The following LHFPL3 variants were observed in gnomAD, a reference collection of about 807,000 sequenced individuals.
The protein encoded by LHFPL3 is LHFPL tetraspan subfamily member 3 protein.
In LHFPL3, 5 loss-of-function variants were observed where a neutral mutation model predicts 19.3. The observed-to-expected ratio is 0.26, with a 90% confidence interval of 0.14 to 0.54. LHFPL3 has a LOEUF of 0.54. LHFPL3 is among the 20% of genes least tolerant of loss of function. The probability of loss-of-function intolerance (pLI) is 0.94; values close to 1 mark genes in which losing one functional copy is unlikely to be tolerated. For synonymous variants in LHFPL3, 133 were observed against 126.2 expected (o/e 1.05, Z -0.36); for missense variants, 249 against 307.4 (o/e 0.81, Z 1.42).
At chr7:104,376,874 C>T (rs1467392293) in intron 1 of LHFPL3, among the ~76,000 whole-genome samples, 1 of 151,924 alleles carries the variant, frequency 6.6e-6, no homozygotes, top group Non-Finnish European at 1.5e-5. Flanking sequence ...GCTTTTTTTC[C>T]TGGAAAGTTC....
At position 104,352,152 on chromosome 7, in the gene LHFPL3, G is replaced by A. The variant is rs572110063; in HGVS notation, c.445+22928G>A. On this transcript the variant is annotated intron_variant, in intron 1 of 2. Coordinates refer to ENST00000424859, the MANE Select transcript of LHFPL3 (RefSeq NM_199000.3). ...CGCACTCCAGCTTGGACCTCAGAGC[G>A]AGGCCCTGTATAAAAAAAAAAAAAA... is the stretch of plus-strand genomic sequence containing the variant. 3.0e-4 allele frequency among the ~76,000 whole-genome samples: 45 copies of A among 150,474 alleles called. No individual in the cohort carries two copies. In the South Asian group the frequency reaches 8.2e-3, roughly 28 times the overall value.
At chr7:104,648,234 G>T (rs78019832) in intron 1 of LHFPL3, among the ~76,000 whole-genome samples, 13,051 of 152,204 alleles carry the variant, frequency 0.086, 729 homozygotes, top group Middle Eastern at 0.15. Context: ...TTCATGGGCT[G>T]CTGTATTCAT....
At chr7:104,392,149 C>T (rs1259690597) in intron 1 of LHFPL3, among the ~76,000 whole-genome samples, 1 of 152,056 alleles carries the variant, frequency 6.6e-6, no homozygotes, top group Non-Finnish European at 1.5e-5. Flanking sequence ...AATTTGACTT[C>T]CTCTTTTCCT....
intron 1 of LHFPL3, among the ~76,000 whole-genome samples, chr7:104,382,867 C>CA (rs1790856212): frequency 6.6e-6 from 1 of 152,116 alleles, no homozygotes; most frequent in African/African-American, 2.4e-5. Flanking sequence ...CAGGTTACTT[C>CA]ACCTCTTTAT....
chr7:104,372,660 T>C (rs1379181314), intron 1 of LHFPL3, among the ~76,000 whole-genome samples: 11 of 152,150 alleles, frequency 7.2e-5, no homozygotes, highest in Admixed American at 5.9e-4. Flanking sequence ...GGGTCTTCAT[T>C]TGTAAAATAG....
intron 2 of LHFPL3, among the ~76,000 whole-genome samples, chr7:104,848,694 T>C (rs1311875937): frequency 6.6e-6 from 1 of 152,278 alleles, no homozygotes; most frequent in Non-Finnish European, 1.5e-5. Flanking sequence ...GGGCTGCCCC[T>C]GAGCCACAGC....
At chr7:104,692,016 C>G (rs1390932717) in intron 1 of LHFPL3, among the ~76,000 whole-genome samples, 1 of 152,198 alleles carries the variant, frequency 6.6e-6, no homozygotes, top group East Asian at 1.9e-4. Context: ...TCTTACTATA[C>G]TTTAGCAAAG....
At chr7:104,709,883 T>C (rs10808134) in intron 1 of LHFPL3, among the ~76,000 whole-genome samples, 147,763 of 150,752 alleles carry the variant, frequency 0.98, 72,475 homozygotes, top group East Asian at 1. Flanking sequence ...AGACGATGGG[T>C]GGCCAGGCAG....
chr7:104,517,549 C>A (rs999803712), intron 1 of LHFPL3, among the ~76,000 whole-genome samples: 2 of 146,740 alleles, frequency 1.4e-5, no homozygotes, highest in South Asian at 2.1e-4. Flanking sequence ...TCTTGTTGCC[C>A]AGGCTGGAGT....
Position 104,357,745 on chromosome 7 carries a change from G to T in LHFPL3, c.445+28521G>T, listed in dbSNP as rs143967520. 3.6e-3 allele frequency among the ~76,000 whole-genome samples: 537 copies of T among 149,606 alleles called. 3 individuals are homozygous for T. The highest frequency in any genetic ancestry group is 0.012 in the African/African-American group (500 of 40,460). On this transcript the variant is annotated intron_variant, in intron 1 of 2. Coordinates refer to ENST00000424859, the MANE Select transcript of LHFPL3 (RefSeq NM_199000.3). ...GGGTTGAAGCTGCCTCCTGCAGGTG[G>T]AATTTCTCCTCTTCCTCCTCCTCCT...
At chr7:104,456,060 T>C (rs2385169) in intron 1 of LHFPL3, among the ~76,000 whole-genome samples, 119,862 of 152,132 alleles carry the variant, frequency 0.79, 47,544 homozygotes, top group East Asian at 0.88. Flanking sequence ...ACAGTTAGTT[T>C]TCAGTGAGTT....
rs1338905330 is a variant in LHFPL3, at chr7:104,430,394, A to ACATG, written c.445+101170_445+101171insCATG. On this transcript the variant is annotated intron_variant, in intron 1 of 2. Coordinates refer to ENST00000424859, the MANE Select transcript of LHFPL3 (RefSeq NM_199000.3). ...GGTATATATATATACATATATATAT[A>ACATG]TATATATATACATATATATATATAC... Among the ~76,000 whole-genome samples, 37 of 46,008 alleles carry ACATG rather than the reference A, an allele frequency of 8.0e-4. 2 individuals carry two copies. Among genetic ancestry groups the ACATG allele is most frequent in the African/African-American group, 2.1e-3 (11 of 5,292 alleles). The allele number at this position is 46,008 out of a possible 152,430, so 30.2% of individuals were successfully genotyped here. A position where few individuals can be genotyped will look rare whatever the true frequency, so the allele number is the denominator to read the frequency against.
chr7:104,744,791 C>T (rs562245611), intron 2 of LHFPL3, among the ~76,000 whole-genome samples: 11 of 152,266 alleles, frequency 7.2e-5, no homozygotes, highest in East Asian at 3.9e-4. Flanking sequence ...AGTTGGCTTC[C>T]GGTCACTGAC....
chr7:104,362,638 T>C (rs1790407497), intron 1 of LHFPL3, among the ~76,000 whole-genome samples: 1 of 152,182 alleles, frequency 6.6e-6, no homozygotes, highest in South Asian at 2.1e-4. Flanking sequence ...ATAGAGCCAA[T>C]TTATCAAGAG....
intron 1 of LHFPL3, among the ~76,000 whole-genome samples, chr7:104,575,257 A>C (rs765415969): frequency 6.6e-6 from 1 of 152,148 alleles, no homozygotes; most frequent in Non-Finnish European, 1.5e-5. Flanking sequence ...CTGGTTTTCA[A>C]ACTATTGCTG....
intron 1 of LHFPL3, among the ~76,000 whole-genome samples, chr7:104,449,698 C>A (rs529137594): frequency 6.6e-6 from 1 of 152,326 alleles, no homozygotes; most frequent in African/African-American, 2.4e-5. Flanking sequence ...TTGCTTAATA[C>A]ATGTGTGATT....
At chr7:104,874,754 G>C (rs1259602325) in intron 2 of LHFPL3, among the ~76,000 whole-genome samples, 1 of 152,022 alleles carries the variant, frequency 6.6e-6, no homozygotes, top group Admixed American at 6.6e-5. Context: ...TGGGTTTCAA[G>C]AGGCCCTCAG....
At chr7:104,732,776 G>A (rs1258941042) in intron 1 of LHFPL3, among the ~76,000 whole-genome samples, 2 of 152,066 alleles carry the variant, frequency 1.3e-5, no homozygotes, top group Admixed American at 1.3e-4. Flanking sequence ...GCTTTTGAAT[G>A]TGTTTGCTCT....
chr7:104,795,200 T>A (rs904449635), intron 2 of LHFPL3, among the ~76,000 whole-genome samples: 3 of 152,112 alleles, frequency 2.0e-5, no homozygotes, highest in Non-Finnish European at 4.4e-5. Flanking sequence ...GGCACAAACA[T>A]AGAAGTGTAT....
Sources: gnomAD v4.1 joint callset for allele counts (sites outside exome capture counted in the v4.1 genomes callset) on GRCh38, gnomAD v4.1.1 for gene constraint, MANE v1.5 for transcripts, NCBI Gene and HGNC (gene_info 2026-07-23, HGNC 2026-07-21) for gene names.